The following AGFG2 variants were observed in gnomAD, a reference collection of about 807,000 sequenced individuals.
The protein encoded by AGFG2 is arf-GAP domain and FG repeat-containing protein 2.
In AGFG2, 31 loss-of-function variants were observed where a neutral mutation model predicts 48.0. That is an observed-to-expected ratio of 0.65 (90% CI 0.49 to 0.87). The LOEUF is 0.87. Among genes scored for constraint, AGFG2 ranks in the 40% least tolerant of loss-of-function variants. AGFG2 has a pLI of 0.00. For missense variants in AGFG2, 599 were observed against 632.6 expected (o/e 0.95, Z 0.57); for synonymous variants, 229 against 260.8 (o/e 0.88, Z 1.18).
At chr7:100,548,723 C>A in intron 1 of AGFG2, 99 bp from the exon 2 acceptor site, 1 of 837,324 alleles carries the variant, frequency 1.2e-6, no homozygotes, top group Non-Finnish European at 2.0e-6. Context: ...AGTTTATATG[C>A]TATTCTTTCA....
chr7:100,555,984 A>G, intron 6 of AGFG2: 1 of 401,254 alleles, frequency 2.5e-6, no homozygotes, highest in East Asian at 4.5e-5. Context: ...GTTATACACT[A>G]GGAAACTTTT....
rs1373835103 is a variant in AGFG2, at chr7:100,563,878, G to C, written c.1216G>C (p.Ala406Pro). 6.2e-7 allele frequency: 1 copy of C among 1,610,898 alleles called. No individual in the cohort carries two copies. The highest frequency in any genetic ancestry group is 1.7e-5 in the Admixed American group (1 of 60,022). The change falls in exon 10 of 12, where the codon GCA becomes CCA. Residue 406 changes from alanine to proline, a missense_variant. Ala to Pro is a conservative substitution (Grantham distance 27). Coordinates refer to ENST00000300176, the MANE Select transcript of AGFG2 (RefSeq NM_006076.5). ...MSSAGPGFPQ[A>P]VPPTGAFASS... ...CAGTGCTGGGCCTGGCTTCCCCCAG[G>C]CAGTGCCACCCACTGGGGCCTTTGC...
intron 6 of AGFG2, among the ~76,000 whole-genome samples, chr7:100,561,362 AG>A (rs1480419235): frequency 2.6e-5 from 4 of 152,144 alleles, no homozygotes; most frequent in African/African-American, 9.7e-5. Flanking sequence ...CCTGACCTCA[AG>A]TAATCTGCTC....
intron 5 of AGFG2, among the ~76,000 whole-genome samples, chr7:100,554,733 A>G (rs193208876): frequency 6.6e-6 from 1 of 152,086 alleles, no homozygotes; most frequent in Non-Finnish European, 1.5e-5. Flanking sequence ...TCAGGAGTTC[A>G]AGACCAGTCT....
intron 6 of AGFG2, among the ~76,000 whole-genome samples, chr7:100,561,062 G>A (rs1426889621): frequency 1.8e-4 from 26 of 144,080 alleles, no homozygotes; most frequent in Middle Eastern, 4.3e-3. Context: ...CTCGTGATCC[G>A]CCCTCCTCGG....
Position 100,562,967 on chromosome 7 carries a change from C to G in AGFG2, c.1171+21C>G, listed in dbSNP as rs1323215198. On this transcript the variant is annotated intron_variant, in intron 9 of 11. Coordinates refer to ENST00000300176, the MANE Select transcript of AGFG2 (RefSeq NM_006076.5). The surrounding 1 kb of genome is among the most constrained non-coding windows in gnomAD (Gnocchi z 5.4). The stretch of plus-strand genomic sequence containing the variant: ...GCCAGGTAAGCCTCCAGCATGGTCC[C>G]TTGTCCTGACCATCTGAGACTTCCA... 3.7e-6 allele frequency: 6 copies of G among 1,600,620 alleles called. No individual in the cohort carries two copies. The highest frequency in any genetic ancestry group is 5.1e-6 in the Non-Finnish European group (6 of 1,168,946).
At chr7:100,543,092 C>T (rs1800452378) in intron 1 of AGFG2, among the ~76,000 whole-genome samples, 1 of 151,776 alleles carries the variant, frequency 6.6e-6, no homozygotes, top group African/African-American at 2.4e-5. Flanking sequence ...GAGATGGAGT[C>T]TCGCTCTGTC....
chr7:100,547,844 C>A (rs1167055799), intron 1 of AGFG2, among the ~76,000 whole-genome samples: 1 of 152,150 alleles, frequency 6.6e-6, no homozygotes, highest in Non-Finnish European at 1.5e-5. Context: ...ATAAGAAAAT[C>A]AAATATTTCT....
intron 1 of AGFG2, among the ~76,000 whole-genome samples, chr7:100,543,782 A>G (rs934189798): frequency 1.3e-5 from 2 of 152,192 alleles, no homozygotes; most frequent in East Asian, 1.9e-4. Flanking sequence ...TGAGGGGTTG[A>G]GAGAAAGGCT....
chr7:100,550,648 A>G (rs954736035), intron 3 of AGFG2, 137 bp downstream of exon 3: 5 of 633,848 alleles, frequency 7.9e-6, no homozygotes, highest in African/African-American at 5.6e-5. Flanking sequence ...ACATTCAGTT[A>G]CGGCTAAAAT....
At chr7:100,556,707 T>C in intron 6 of AGFG2, 1 of 1,184,760 alleles carries the variant, frequency 8.4e-7, no homozygotes, top group African/African-American at 1.6e-5. Flanking sequence ...ACCCTTAAAA[T>C]TTGGCCATTT....
chr7:100,545,645 G>A (rs1332577920), intron 1 of AGFG2, among the ~76,000 whole-genome samples: 1 of 152,146 alleles, frequency 6.6e-6, no homozygotes, highest in Non-Finnish European at 1.5e-5. Context: ...GCACTTCCTG[G>A]TTAGAAATAC....
chr7:100,566,359 C>T lies in AGFG2; in HGVS notation c.*1368C>T, dbSNP rs1441500854. ...TTTCCACCTGGGGATGTTGTGACAA[C>T]ATCCAGCTGTGGTGTCTGGGCTATT... On this transcript the variant is annotated 3_prime_UTR_variant, in exon 12 of 12. Transcript: ENST00000300176. 1.3e-5 allele frequency: 2 copies of T among 152,238 alleles called. No homozygotes were observed. Among genetic ancestry groups the T allele is most frequent in the Non-Finnish European group, 1.5e-5 (1 of 68,076 alleles). The allele number at this position is 152,238 out of a possible 1,614,324, so 9.4% of individuals were successfully genotyped here.
intron 1 of AGFG2, among the ~76,000 whole-genome samples, chr7:100,546,656 G>T (rs1442532813): frequency 6.6e-6 from 1 of 152,178 alleles, no homozygotes. Context: ...GGAGGTGAAG[G>T]AGAAGACCTT....
At chr7:100,543,248 A>G (rs1800455514) in intron 1 of AGFG2, among the ~76,000 whole-genome samples, 1 of 152,084 alleles carries the variant, frequency 6.6e-6, no homozygotes, top group Admixed American at 6.6e-5. Flanking sequence ...TATTTTTAGT[A>G]GAGACGGGGT....
In AGFG2 at chr7:100,563,834, G is replaced by A; in HGVS notation, c.1172G>A (p.Gly391Glu). Residue 391 changes from glycine (G) to glutamate (E), a missense_variant and splice_region_variant, in exon 10 of 12, where the codon GGG becomes GAG. By Grantham distance (98) the Gly-to-Glu change is moderately conservative. Transcript: ENST00000300176. ...NPFQPNGLAP[G>E]PGFGMSSAGP... is the part of the protein sequence containing the mutation. ...GAGCCTCCCGTCTTTCACTCCATAG[G>A]GCCCGGCTTTGGGATGAGCAGTGCT... 1.2e-6 allele frequency: 2 copies of A among 1,611,316 alleles called. No individual in the cohort carries two copies. The highest frequency in any genetic ancestry group is 1.7e-6 in the Non-Finnish European group (2 of 1,179,966).
chr7:100,562,848 A>C lies in AGFG2; in HGVS notation c.1088-15A>C, dbSNP rs1483842828. 6.2e-7 allele frequency: 1 copy of C among 1,613,750 alleles called. No individual in the cohort carries two copies. ...ATCTCTCTCTTTCCTGCCGCTCCCC[A>C]TTCCACCTGGGCAGCCTTCACTAAC... On this transcript the variant is annotated splice_polypyrimidine_tract_variant and intron_variant, in intron 8 of 11. Transcript: ENST00000300176. This position sits in a 1 kb window ranked among gnomAD's most constrained non-coding sequence, Gnocchi z 5.4.
chr7:100,546,169 G>A (rs369808681), intron 1 of AGFG2, among the ~76,000 whole-genome samples: 1 of 66,934 alleles, frequency 1.5e-5, no homozygotes, highest in East Asian at 4.8e-4. Context: ...CGCCCCCCCC[G>A]CCCGCCACCC....
intron 3 of AGFG2, among the ~76,000 whole-genome samples, chr7:100,552,213 C>G (rs1227686169): frequency 6.6e-6 from 1 of 151,944 alleles, no homozygotes; most frequent in Non-Finnish European, 1.5e-5. Flanking sequence ...CCACTGTACT[C>G]TAGCCTGGGT....
Sources: gnomAD v4.1 joint callset for allele counts (sites outside exome capture counted in the v4.1 genomes callset) on GRCh38, gnomAD v4.1.1 for gene constraint, Gnocchi (gnomAD v3.1) non-coding constraint, MANE v1.5 for transcripts, NCBI Gene and HGNC (gene_info 2026-07-23, HGNC 2026-07-21) for gene names.